MAD1L1: variants seen among roughly 807,000 people sequenced by gnomAD.
The protein encoded by MAD1L1 is mitotic spindle assembly checkpoint protein MAD1.
In MAD1L1, 95 loss-of-function variants were observed where a neutral mutation model predicts 96.9. The ratio of observed to expected loss-of-function variants is 0.98; its 90% CI spans 0.83 to 1.16. MAD1L1 has a LOEUF of 1.16. Ranked by LOEUF, MAD1L1 falls within the 50% of genes most tolerant of loss-of-function variation. MAD1L1 has a pLI of 0.00. For missense variants in MAD1L1, 1,007 were observed against 954.4 expected (o/e 1.06, Z -0.73); for synonymous variants, 473 against 396.6 (o/e 1.19, Z -2.29).
intron 17 of MAD1L1, among the ~76,000 whole-genome samples, chr7:1,913,395 C>T (rs1788143912): frequency 6.6e-6 from 1 of 151,596 alleles, no homozygotes; most frequent in South Asian, 2.1e-4. Context: ...TCAGGGCAGA[C>T]GGGCTCTGCA....
At chr7:2,214,820 C>A (rs1004574391) in intron 9 of MAD1L1, among the ~76,000 whole-genome samples, 2 of 152,172 alleles carry the variant, frequency 1.3e-5, no homozygotes, top group African/African-American at 4.8e-5. Context: ...GACAGAACAC[C>A]CCCAGCACAG....
intron 18 of MAD1L1, among the ~76,000 whole-genome samples, chr7:1,836,206 G>C (rs1227741669): frequency 6.6e-6 from 1 of 152,128 alleles, no homozygotes; most frequent in Admixed American, 6.5e-5. Context: ...ATTTTTAGTA[G>C]AGATGGGGTT....
At position 1,957,622 on chromosome 7, in the gene MAD1L1, C is replaced by T; in HGVS notation, c.1596+7G>A. 1.9e-6 allele frequency: 3 copies of T among 1,613,712 alleles called. No homozygotes were observed. The highest frequency in any genetic ancestry group is 2.5e-6 in the Non-Finnish European group (3 of 1,179,974). On this transcript the variant is annotated splice_region_variant and intron_variant, in intron 16 of 18. Transcript: ENST00000265854. ...AGTGCCTCACCCAGAGGCTGCCCCG[C>T]CCTCACCTGCAGAGCTCGCCGCTCC... is the stretch of plus-strand genomic sequence containing the variant.
chr7:2,004,475 A>C (rs562182078), intron 13 of MAD1L1, among the ~76,000 whole-genome samples: 1 of 152,350 alleles, frequency 6.6e-6, no homozygotes, highest in South Asian at 2.1e-4. Flanking sequence ...GGTCAAAGGC[A>C]CTTTACAGGA....
At chr7:1,877,799 G>A (rs545628952) in intron 18 of MAD1L1, among the ~76,000 whole-genome samples, 1 of 152,074 alleles carries the variant, frequency 6.6e-6, no homozygotes, top group Non-Finnish European at 1.5e-5. Flanking sequence ...GACAGACATT[G>A]CATAATTATA....
chr7:1,830,648 G>A (rs1366489497), intron 18 of MAD1L1, among the ~76,000 whole-genome samples: 2 of 152,222 alleles, frequency 1.3e-5, no homozygotes, highest in South Asian at 2.1e-4. Context: ...AAGACTGGAA[G>A]TATGTGACTG....
chr7:1,944,168 C>T (rs1434012933), intron 16 of MAD1L1, among the ~76,000 whole-genome samples: 1 of 152,106 alleles, frequency 6.6e-6, no homozygotes, highest in East Asian at 1.9e-4. Context: ...ACAGACAGAC[C>T]CACAGAGGCA....
intron 10 of MAD1L1, among the ~76,000 whole-genome samples, chr7:2,161,478 G>A (rs1790120812): frequency 6.6e-6 from 1 of 152,098 alleles, no homozygotes; most frequent in Non-Finnish European, 1.5e-5. Flanking sequence ...CCAGCCGCCT[G>A]ACTTGGCCTC....
chr7:1,918,963 C>T (rs929613119), intron 17 of MAD1L1, among the ~76,000 whole-genome samples: 3 of 152,230 alleles, frequency 2.0e-5, no homozygotes, highest in Admixed American at 6.5e-5. Flanking sequence ...TTCCAACACC[C>T]GTCCTGTCTC....
At chr7:1,827,860 C>A (rs1407237671) in intron 18 of MAD1L1, among the ~76,000 whole-genome samples, 2 of 152,254 alleles carry the variant, frequency 1.3e-5, no homozygotes, top group Non-Finnish European at 2.9e-5. Context: ...CAGATGTAGC[C>A]GAATGAGAAC....
At chr7:1,958,891 G>A (rs1583917405) in intron 15 of MAD1L1, among the ~76,000 whole-genome samples, 1 of 152,200 alleles carries the variant, frequency 6.6e-6, no homozygotes, top group South Asian at 2.1e-4. Context: ...TGGGATTAAT[G>A]ACAGATTAGA....
intron 18 of MAD1L1, chr7:1,872,835 C>T (rs1045820635): frequency 2.0e-5 from 3 of 152,210 alleles, no homozygotes; most frequent in East Asian, 1.9e-4. Flanking sequence ...CAGTGAGGAT[C>T]GTTCTGTTTG....
At chr7:1,857,739 G>T (rs145674418) in intron 18 of MAD1L1, among the ~76,000 whole-genome samples, 10 of 152,216 alleles carry the variant, frequency 6.6e-5, no homozygotes, top group Admixed American at 1.3e-4. Context: ...GCCGGGGGAC[G>T]TCCTGGTCCT....
intron 12 of MAD1L1, among the ~76,000 whole-genome samples, chr7:2,060,086 G>A (rs988084310): frequency 2.6e-5 from 4 of 151,782 alleles, no homozygotes; most frequent in African/African-American, 9.7e-5. Flanking sequence ...CTGATGCCAA[G>A]ATACGCTGAT....
At chr7:1,943,947 C>T (rs148846973) in intron 16 of MAD1L1, among the ~76,000 whole-genome samples, 1,929 of 152,182 alleles carry the variant, frequency 0.013, 30 homozygotes, top group African/African-American at 0.044. Context: ...AAGATGCGGC[C>T]GTGCACAGTG....
intron 12 of MAD1L1, among the ~76,000 whole-genome samples, chr7:2,026,415 T>G (rs1054270518): frequency 6.6e-6 from 1 of 152,158 alleles, no homozygotes; most frequent in African/African-American, 2.4e-5. Flanking sequence ...AAAACATCAT[T>G]AAAGAAATGT....
rs974141314 is a variant in MAD1L1, at chr7:1,872,758, G to C, written c.1998+25442C>G. 6 of 152,372 alleles carry C rather than the reference G, an allele frequency of 3.9e-5. No homozygotes were observed. The East Asian group carries it at 1.2e-3, about 29-fold the overall frequency. 9.4% of individuals were successfully genotyped at this position (152,372 alleles called of 1,614,324 possible). A position where few individuals can be genotyped will look rare whatever the true frequency, so the allele number is the denominator to read the frequency against. On this transcript the variant is annotated intron_variant, in intron 18 of 18. Coordinates refer to ENST00000265854, the MANE Select transcript of MAD1L1 (RefSeq NM_001013836.2). Reference sequence around the variant, plus strand: ...ACACGGGTGATATGGAGAAACGCTTGCTGAACGAATAAACACAGGAATGAA... The same window carrying C: ...ACACGGGTGATATGGAGAAACGCTTCCTGAACGAATAAACACAGGAATGAA...
intron 18 of MAD1L1, among the ~76,000 whole-genome samples, chr7:1,862,086 C>T (rs1784560246): frequency 6.6e-6 from 1 of 151,650 alleles, no homozygotes; most frequent in Non-Finnish European, 1.5e-5. Flanking sequence ...CATGGCTGGA[C>T]ACCCCCACCC....
intron 10 of MAD1L1, among the ~76,000 whole-genome samples, chr7:2,161,244 T>G (rs1016874961): frequency 6.6e-6 from 1 of 151,414 alleles, no homozygotes; most frequent in Non-Finnish European, 1.5e-5. Context: ...GTGCCTGAGA[T>G]TGCAGGCGCG....
Sources: allele counts gnomAD v4.1 joint callset (sites outside exome capture counted in the v4.1 genomes callset), GRCh38; gene constraint gnomAD v4.1.1; transcripts MANE v1.5; gene names NCBI Gene and HGNC (gene_info 2026-07-23, HGNC 2026-07-21).